Variants in ANXA4 observed in about 807,000 individuals in gnomAD.
ANXA4 encodes annexin A4.
In ANXA4, 39 loss-of-function variants were observed where a neutral mutation model predicts 49.8. The ratio of observed to expected loss-of-function variants is 0.78; its 90% CI spans 0.61 to 1.02. The LOEUF (loss-of-function observed/expected upper bound fraction) is 1.02, where lower values mean the gene tolerates loss of function less well. ANXA4 is among the 50% of genes least tolerant of loss of function. The pLI is 0.00. For missense variants in ANXA4, 360 were observed against 410.1 expected (o/e 0.88, Z 1.05); for synonymous variants, 134 against 152.5 (o/e 0.88, Z 0.89).
intron 10 of ANXA4, 44 bp from the exon 11 acceptor site, chr2:69,819,236 C>A: frequency 7.1e-7 from 1 of 1,406,372 alleles, no homozygotes; most frequent in Non-Finnish European, 9.8e-7. Flanking sequence ...TTTCATGGGT[C>A]TTATCTGTAA....
At chr2:69,780,911 G>A (rs1449309392) in intron 1 of ANXA4, among the ~76,000 whole-genome samples, 2 of 152,184 alleles carry the variant, frequency 1.3e-5, no homozygotes, top group African/African-American at 4.8e-5. Context: ...AATGTGTGAT[G>A]ATGATGAAAG....
intron 3 of ANXA4, among the ~76,000 whole-genome samples, chr2:69,728,340 T>C (rs1229130674): frequency 6.6e-6 from 1 of 152,230 alleles, no homozygotes; most frequent in Non-Finnish European, 1.5e-5. Context: ...TCTTGCTTAC[T>C]CACTCTCTTA....
At chr2:69,825,402 CTGTG>C (rs1674431581) in intron 12 of ANXA4, 50 bp from the exon 13 acceptor site, 1 of 1,467,428 alleles carries the variant, frequency 6.8e-7, no homozygotes, top group South Asian at 1.2e-5. Flanking sequence ...TGACTTTGAA[CTGTG>C]TGTTTCATTT....
chr2:69,655,732 T>A (rs1676413166), intron 2 of ANXA4, among the ~76,000 whole-genome samples: 1 of 152,190 alleles, frequency 6.6e-6, no homozygotes, highest in South Asian at 2.1e-4. Flanking sequence ...TGCACACATA[T>A]GTTTATTGCG....
At chr2:69,724,011 T>A (rs1669891718) in intron 3 of ANXA4, among the ~76,000 whole-genome samples, 1 of 152,206 alleles carries the variant, frequency 6.6e-6, no homozygotes, top group Non-Finnish European at 1.5e-5. Flanking sequence ...TCCCAGCTCC[T>A]CGGTGGGCTG....
chr2:69,693,126 C>G (rs1323813105), intron 2 of ANXA4, among the ~76,000 whole-genome samples: 3 of 152,180 alleles, frequency 2.0e-5, no homozygotes, highest in Non-Finnish European at 4.4e-5. Flanking sequence ...AGAAGAGCAT[C>G]TAATATGCAC....
At chr2:69,699,003 T>C (rs762570726) in intron 2 of ANXA4, among the ~76,000 whole-genome samples, 2 of 152,174 alleles carry the variant, frequency 1.3e-5, no homozygotes, top group Non-Finnish European at 2.9e-5. Context: ...GAAAATAGAC[T>C]ATACTAATAT....
At position 69,825,990 on chromosome 2, in the gene ANXA4, C is replaced by A. The variant is rs1025176387; in HGVS notation, c.*475C>A. ...CATCCAGTTTTCTATATTTCATAGTCAAAGCCTTGAAAGCATCTACAAATC... is the reference window on the plus strand; with the variant it reads ...CATCCAGTTTTCTATATTTCATAGTAAAAGCCTTGAAAGCATCTACAAATC... On this transcript the variant is annotated 3_prime_UTR_variant, in exon 13 of 13. Transcript: ENST00000394295. 6.6e-6 allele frequency: 1 copy of A among 152,498 alleles called. No individual in the cohort carries two copies. The highest frequency in any genetic ancestry group is 1.5e-5 in the Non-Finnish European group (1 of 68,270). The allele number at this position is 152,498 out of a possible 1,614,324, so 9.4% of individuals were successfully genotyped here. A position where few individuals can be genotyped will look rare whatever the true frequency, so the allele number is the denominator to read the frequency against.
At chr2:69,801,637 C>T (rs1180340837) in intron 3 of ANXA4, among the ~76,000 whole-genome samples, 2 of 152,098 alleles carry the variant, frequency 1.3e-5, no homozygotes, top group African/African-American at 4.8e-5. Flanking sequence ...CTCCTGACCT[C>T]AAGTGATCCA....
intron 1 of ANXA4, among the ~76,000 whole-genome samples, chr2:69,645,324 C>T (rs191538784): frequency 2.0e-5 from 3 of 152,336 alleles, no homozygotes; most frequent in Admixed American, 6.5e-5. Context: ...TTCATGTAGC[C>T]ACCTCCAGGG....
chr2:69,747,763 G>A (rs972764168), intron 1 of ANXA4, among the ~76,000 whole-genome samples: 2 of 152,062 alleles, frequency 1.3e-5, no homozygotes, highest in Admixed American at 6.6e-5. Context: ...ATAGCTCACC[G>A]TACCCACAAA....
chr2:69,820,315 G>A (rs971223870), intron 11 of ANXA4, among the ~76,000 whole-genome samples: 1 of 151,838 alleles, frequency 6.6e-6, no homozygotes, highest in Admixed American at 6.6e-5. Flanking sequence ...ATTTGAGCAG[G>A]ACCTTCCAAA....
intron 1 of ANXA4, among the ~76,000 whole-genome samples, chr2:69,743,622 CA>C (rs1670496597): frequency 6.6e-6 from 1 of 152,156 alleles, no homozygotes; most frequent in Non-Finnish European, 1.5e-5. Context: ...CCCCATGACC[CA>C]AGAGCTGCTG....
At chr2:69,645,351 T>C (rs1675968254) in intron 1 of ANXA4, among the ~76,000 whole-genome samples, 1 of 152,212 alleles carries the variant, frequency 6.6e-6, no homozygotes, top group South Asian at 2.1e-4. Flanking sequence ...GCAGCCCCTA[T>C]TCCCTCAAAC....
chr2:69,824,243 C>A (rs556819885), intron 12 of ANXA4, among the ~76,000 whole-genome samples: 1 of 152,262 alleles, frequency 6.6e-6, no homozygotes, highest in Admixed American at 6.5e-5. Flanking sequence ...TGGCTCACAC[C>A]TGTAATCCTA....
intron 1 of ANXA4, among the ~76,000 whole-genome samples, chr2:69,779,358 T>A (rs1672106672): frequency 6.6e-6 from 1 of 152,204 alleles, no homozygotes; most frequent in Admixed American, 6.5e-5. Flanking sequence ...TCTTATCCAC[T>A]GCATTATCTC....
At chr2:69,824,571 A>G (rs1297601614) in intron 12 of ANXA4, among the ~76,000 whole-genome samples, 1 of 152,054 alleles carries the variant, frequency 6.6e-6, no homozygotes, top group Non-Finnish European at 1.5e-5. Context: ...ATGAAAATTT[A>G]TCCAGAATAA....
chr2:69,762,484 G>T (rs190145703), intron 1 of ANXA4, among the ~76,000 whole-genome samples: 1 of 152,106 alleles, frequency 6.6e-6, no homozygotes, highest in East Asian at 1.9e-4. Flanking sequence ...AGGAGGGATT[G>T]TAATGGGCCT....
Position 69,805,604 on chromosome 2 carries a change from T to TAAAAAAAA in ANXA4, c.193-772_193-765dup, listed in dbSNP as rs59230779. 1.9e-3 allele frequency among the ~76,000 whole-genome samples: 241 copies of TAAAAAAAA among 126,404 alleles called. 1 individual carries two copies. The highest frequency in any genetic ancestry group is 6.3e-3 in the African/African-American group (223 of 35,168). The allele number at this position is 126,404 out of a possible 152,430, so 82.9% of individuals were successfully genotyped here. A position where few individuals can be genotyped will look rare whatever the true frequency, so the allele number is the denominator to read the frequency against. On this transcript the variant is annotated intron_variant, in intron 4 of 12. Transcript: ENST00000394295. ...CTAGGCAACAGAGCAAGACTCCATCTAAAAAAAAAAAAAAAAGAAATTATG... is the reference window on the plus strand; with the variant it reads ...CTAGGCAACAGAGCAAGACTCCATCTAAAAAAAAAAAAAAAAAAAAAAAAGAAATTATG...
Sources: allele counts gnomAD v4.1 joint callset (sites outside exome capture counted in the v4.1 genomes callset), GRCh38; gene constraint gnomAD v4.1.1; transcripts MANE v1.5; gene names NCBI Gene and HGNC (gene_info 2026-07-23, HGNC 2026-07-21).